NEBL: variants seen among roughly 807,000 people sequenced by gnomAD.
NEBL encodes the protein nebulette, also known as LIM and SH3 protein 2.
A neutral mutation model predicts 140.2 loss-of-function variants in NEBL; 122 were observed. The ratio of observed to expected loss-of-function variants is 0.87; its 90% CI spans 0.75 to 1.01. The LOEUF (loss-of-function observed/expected upper bound fraction) is 1.01. Among genes scored for constraint, NEBL ranks in the 50% least tolerant of loss-of-function variants. The pLI is 0.00. For missense variants in NEBL, 1,365 were observed against 1,231.3 expected, an observed-to-expected ratio of 1.11 and a Z score of -1.62; for synonymous variants, 436 against 398.9, an observed-to-expected ratio of 1.09 and a Z score of -1.11.
At chr10:21,067,928 G>A (rs746346008) in intron 2 of NEBL, among the ~76,000 whole-genome samples, 10 of 152,092 alleles carry the variant, frequency 6.6e-5, no homozygotes, top group Admixed American at 2.6e-4. Flanking sequence ...GCAGTGAGCC[G>A]TGACTGCACC....
chr10:21,053,653 A>G (rs947973667), intron 2 of NEBL, among the ~76,000 whole-genome samples: 5 of 152,220 alleles, frequency 3.3e-5, no homozygotes, highest in African/African-American at 1.2e-4. Context: ...TCAAGGCCTT[A>G]GCATTTCATT....
chr10:21,191,856 C>T (rs756461594), intron 3 of NEBL, among the ~76,000 whole-genome samples: 7 of 152,142 alleles, frequency 4.6e-5, no homozygotes, highest in Non-Finnish European at 8.8e-5. Flanking sequence ...TCAAAAGCTT[C>T]CCCAACTTCT....
In NEBL at chr10:20,897,148, C is replaced by T. The variant is rs2131413901; in HGVS notation, c.58G>A (p.Glu20Lys). 1 of 1,605,350 alleles carries T rather than the reference C, an allele frequency of 6.2e-7. No homozygotes were observed. The highest frequency in any genetic ancestry group is 8.5e-7 in the Non-Finnish European group (1 of 1,172,116). The change falls in exon 1 of 28, where the codon GAA (glutamate) becomes AAA (lysine). Residue 20 changes from glutamate (E) to lysine (K), a missense_variant. Transcript: ENST00000377122. ...ACCTGGTCTTCTTCATTTTCTTCTTCCCCTATCTTTTCTTCTTCAGTTTCA... is the reference window on the plus strand; with the variant it reads ...ACCTGGTCTTCTTCATTTTCTTCTTTCCCTATCTTTTCTTCTTCAGTTTCA... ...KDETEEEKIG[E>K]EENEEDQVFY...
intron 1 of NEBL, among the ~76,000 whole-genome samples, chr10:21,257,152 T>G (rs940444542): frequency 6.6e-6 from 1 of 152,216 alleles, no homozygotes; most frequent in African/African-American, 2.4e-5. Context: ...ATATTAAAAT[T>G]ATATGACTTG....
chr10:21,227,221 G>C (rs1312080520), intron 3 of NEBL, among the ~76,000 whole-genome samples: 1 of 151,948 alleles, frequency 6.6e-6, no homozygotes, highest in East Asian at 1.9e-4. Flanking sequence ...CTTTGCCCAG[G>C]ATAGAGGGTT....
chr10:21,072,927 G>A (rs755563609), intron 2 of NEBL, among the ~76,000 whole-genome samples: 22 of 152,188 alleles, frequency 1.4e-4, no homozygotes, highest in Admixed American at 2.6e-4. Context: ...GGAGGTGGAG[G>A]TTGCAGTGAG....
intron 4 of NEBL, among the ~76,000 whole-genome samples, chr10:20,954,072 A>C (rs546473478): frequency 2.0e-5 from 3 of 151,898 alleles, no homozygotes; most frequent in Non-Finnish European, 4.4e-5. Flanking sequence ...GATATAGAGA[A>C]AGTAATCCCA....
upstream of NEBL, chr10:20,899,787 C>T (rs1344565653): frequency 5.8e-6 from 1 of 171,692 alleles, no homozygotes; most frequent in African/African-American, 2.4e-5. Flanking sequence ...ATAAAATATT[C>T]TTCATACTAA....
intron 3 of NEBL, among the ~76,000 whole-genome samples, chr10:21,235,552 C>A (rs551045383): frequency 6.6e-6 from 1 of 152,072 alleles, no homozygotes; most frequent in Non-Finnish European, 1.5e-5. Flanking sequence ...TGGCCTCCAG[C>A]GATGCAGCCA....
At chr10:20,942,891 A>G (rs1426997637) in intron 4 of NEBL, among the ~76,000 whole-genome samples, 1 of 152,262 alleles carries the variant, frequency 6.6e-6, no homozygotes, top group African/African-American at 2.4e-5. Context: ...ACAATGAGAT[A>G]CCATTTCACA....
intron 1 of NEBL, among the ~76,000 whole-genome samples, chr10:21,265,427 A>G (rs1478506732): frequency 6.6e-6 from 1 of 152,118 alleles, no homozygotes; most frequent in Non-Finnish European, 1.5e-5. Context: ...ATCACTACTA[A>G]TCTCACTGCG....
chr10:21,114,018 C>A (rs1838166719), intron 2 of NEBL, among the ~76,000 whole-genome samples: 2 of 151,898 alleles, frequency 1.3e-5, no homozygotes, highest in South Asian at 4.1e-4. Context: ...GGTTTTAGAA[C>A]CTTCTAGTTT....
chr10:21,112,856 T>C, intron 2 of NEBL: 1 of 278,478 alleles, frequency 3.6e-6, no homozygotes, highest in Non-Finnish European at 6.8e-6. Flanking sequence ...GTTCAGGGCC[T>C]GTACATATTC....
intron 2 of NEBL, among the ~76,000 whole-genome samples, chr10:21,134,539 GTCT>G (rs1274515491): frequency 1.3e-5 from 2 of 152,140 alleles, no homozygotes; most frequent in African/African-American, 2.4e-5. Context: ...GCAACTTTAA[GTCT>G]TCTTCCAAGG....
chr10:21,283,895 C>T (rs1249078929), intron 1 of NEBL, among the ~76,000 whole-genome samples: 6 of 151,872 alleles, frequency 4.0e-5, no homozygotes, highest in East Asian at 1.9e-4. Flanking sequence ...GGTCCTCCAT[C>T]GGACTCTAAG....
intron 2 of NEBL, among the ~76,000 whole-genome samples, chr10:20,893,702 G>C (rs1406872282): frequency 2.6e-5 from 4 of 152,126 alleles, no homozygotes; most frequent in African/African-American, 9.7e-5. Context: ...AGTGTCTACA[G>C]GTCTGCTGAC....
intron 2 of NEBL, among the ~76,000 whole-genome samples, chr10:21,098,452 A>G (rs753706959): frequency 6.6e-6 from 1 of 152,224 alleles, no homozygotes; most frequent in Non-Finnish European, 1.5e-5. Context: ...ACCCAATGGT[A>G]TTTAATAATT....
intron 2 of NEBL, among the ~76,000 whole-genome samples, chr10:21,082,095 C>A (rs1024982764): frequency 1.3e-5 from 2 of 152,046 alleles, no homozygotes; most frequent in African/African-American, 2.4e-5. Flanking sequence ...CATGCCTAAC[C>A]TGAATATAAC....
At chr10:21,053,052 C>T (rs950644392) in intron 2 of NEBL, among the ~76,000 whole-genome samples, 1 of 152,240 alleles carries the variant, frequency 6.6e-6, no homozygotes, top group East Asian at 1.9e-4. Flanking sequence ...GACAGATATC[C>T]TAATGCCTTG....
Sources: gnomAD v4.1 joint callset for allele counts (sites outside exome capture counted in the v4.1 genomes callset) on GRCh38, gnomAD v4.1.1 for gene constraint, MANE v1.5 for transcripts, NCBI Gene and HGNC (gene_info 2026-07-23, HGNC 2026-07-21) for gene names.